DIAPH3: variants seen among roughly 807,000 people sequenced by gnomAD.
DIAPH3 encodes the protein diaphanous related formin 3.
Under a neutral mutation model 144.3 loss-of-function variants are expected in DIAPH3, and 117 were observed. The observed-to-expected ratio is 0.81, with a 90% CI of 0.70 to 0.95. The LOEUF is 0.95. Ranked by LOEUF, DIAPH3 falls within the 40% of genes least tolerant of loss-of-function variation. The probability of loss-of-function intolerance (pLI) is 0.00; values close to 1 mark genes in which losing one functional copy is unlikely to be tolerated. For synonymous variants in DIAPH3, 519 were observed against 488.9 expected (o/e 1.06, Z -0.81); for missense variants, 1,421 against 1,412.7 (o/e 1.01, Z -0.09).
intron 27 of DIAPH3, among the ~76,000 whole-genome samples, chr13:59,677,724 T>C (rs1279801193): frequency 6.6e-6 from 1 of 152,202 alleles, no homozygotes; most frequent in Non-Finnish European, 1.5e-5. Flanking sequence ...TGAATATGTA[T>C]ATATTATAAA....
At chr13:59,680,835 T>C (rs979956873) in intron 27 of DIAPH3, among the ~76,000 whole-genome samples, 1 of 152,154 alleles carries the variant, frequency 6.6e-6, no homozygotes, top group Non-Finnish European at 1.5e-5. Flanking sequence ...TTTCATTTTA[T>C]TTGGAAGGGG....
chr13:60,161,757 T>A (rs1952305057), intron 1 of DIAPH3, among the ~76,000 whole-genome samples: 1 of 151,506 alleles, frequency 6.6e-6, no homozygotes, highest in Admixed American at 6.6e-5. Context: ...ATAAGAACAA[T>A]CAAGTAGGAA....
intron 27 of DIAPH3, among the ~76,000 whole-genome samples, chr13:59,726,290 T>C (rs2035600048): frequency 6.6e-6 from 1 of 152,218 alleles, no homozygotes; most frequent in Non-Finnish European, 1.5e-5. Flanking sequence ...GTAACTCATG[T>C]ATTCTCTGGA....
chr13:60,151,974 C>A (rs906223268), intron 1 of DIAPH3, among the ~76,000 whole-genome samples: 1 of 152,200 alleles, frequency 6.6e-6, no homozygotes. Context: ...TAAACAAAAA[C>A]AGTTTAATTC....
At chr13:59,791,252 G>A (rs1198622500) in intron 25 of DIAPH3, among the ~76,000 whole-genome samples, 1 of 152,142 alleles carries the variant, frequency 6.6e-6, no homozygotes, top group African/African-American at 2.4e-5. Context: ...TTACGGGTGT[G>A]AGCCATCATT....
intron 17 of DIAPH3, among the ~76,000 whole-genome samples, chr13:59,931,110 T>C (rs1485513254): frequency 2.0e-5 from 3 of 152,154 alleles, no homozygotes; most frequent in Non-Finnish European, 4.4e-5. Context: ...GCTTAAAAAA[T>C]GGGAATGTTC....
chr13:59,751,733 T>C (rs75995801), intron 27 of DIAPH3, among the ~76,000 whole-genome samples: 1,833 of 152,350 alleles, frequency 0.012, 34 homozygotes, highest in African/African-American at 0.042. Context: ...GAATATCTAT[T>C]ATACTGTTTT....
At chr13:60,038,149 T>A (rs140847080) in intron 5 of DIAPH3, among the ~76,000 whole-genome samples, 1 of 152,114 alleles carries the variant, frequency 6.6e-6, no homozygotes, top group East Asian at 1.9e-4. Context: ...AATGAGGGTA[T>A]AGGATTAAAA....
Position 59,861,688 on chromosome 13 carries a change from C to T in DIAPH3, c.2608-152G>A, listed in dbSNP as rs530580925. ...TTTGAAAAACAAATATTTAAATACT[C>T]GAAAAACTACTTTTGACTTGCTGCT... On this transcript the variant is annotated intron_variant, in intron 21 of 27. Transcript: ENST00000400324. 36 of 823,026 alleles carry T rather than the reference C, an allele frequency of 4.4e-5. No individual in the cohort carries two copies. The African/African-American group carries it at 5.0e-4, about 11-fold the overall frequency. 51.0% of individuals were successfully genotyped at this position (823,026 alleles called of 1,614,324 possible).
chr13:59,679,285 A>G (rs1187813097), intron 27 of DIAPH3, among the ~76,000 whole-genome samples: 2 of 152,190 alleles, frequency 1.3e-5, no homozygotes, highest in Non-Finnish European at 1.5e-5. Context: ...GTTTCTGTAA[A>G]CAACTCATTT....
intron 13 of DIAPH3, among the ~76,000 whole-genome samples, chr13:59,983,109 T>A (rs1308088512): frequency 3.0e-5 from 4 of 134,476 alleles, no homozygotes; most frequent in Non-Finnish European, 6.3e-5. Context: ...AACTCAAATG[T>A]TACAACACTA....
At chr13:59,829,273 CA>C (rs551739830) in intron 24 of DIAPH3, among the ~76,000 whole-genome samples, 1 of 151,772 alleles carries the variant, frequency 6.6e-6, no homozygotes, top group African/African-American at 2.4e-5. Flanking sequence ...ACGATTGTTC[CA>C]AAAAAATGGC....
intron 17 of DIAPH3, among the ~76,000 whole-genome samples, chr13:59,938,330 G>A (rs542115176): frequency 3.3e-5 from 5 of 152,172 alleles, no homozygotes; most frequent in Admixed American, 2.0e-4. Context: ...TATAACACCC[G>A]GCTTGCAGTG....
intron 17 of DIAPH3, among the ~76,000 whole-genome samples, chr13:59,950,822 A>G (rs2140437144): frequency 6.6e-6 from 1 of 152,256 alleles, no homozygotes. Context: ...AAATATGTGG[A>G]AATAACTATA....
chr13:60,126,799 C>A (rs2059002875), intron 2 of DIAPH3, among the ~76,000 whole-genome samples: 1 of 151,980 alleles, frequency 6.6e-6, no homozygotes, highest in South Asian at 2.1e-4. Flanking sequence ...ACCAAAATAA[C>A]CCATGGGTCA....
chr13:59,822,554 C>A (rs1233958094), intron 24 of DIAPH3, among the ~76,000 whole-genome samples: 4 of 152,104 alleles, frequency 2.6e-5, no homozygotes, highest in Non-Finnish European at 4.4e-5. Context: ...GATTCCCCTG[C>A]CTCAGCCTCC....
chr13:59,805,384 A>C (rs532942211), intron 25 of DIAPH3, among the ~76,000 whole-genome samples: 1 of 152,202 alleles, frequency 6.6e-6, no homozygotes, highest in South Asian at 2.1e-4. Context: ...ATAATCACAT[A>C]AAATTATTAC....
chr13:59,711,281 T>A (rs190849772), intron 27 of DIAPH3, among the ~76,000 whole-genome samples: 22 of 152,316 alleles, frequency 1.4e-4, no homozygotes, highest in Non-Finnish European at 1.8e-4. Flanking sequence ...TCCTTGAAGC[T>A]TGGAGTGGCT....
intron 23 of DIAPH3, chr13:59,838,486 T>C (rs1029982230): frequency 6.6e-6 from 1 of 152,094 alleles, no homozygotes; most frequent in Non-Finnish European, 1.5e-5. Context: ...GTGACTATAA[T>C]AAACTCCATT....
Sources: allele counts gnomAD v4.1 joint callset (sites outside exome capture counted in the v4.1 genomes callset), GRCh38; gene constraint gnomAD v4.1.1; transcripts MANE v1.5; gene names NCBI Gene and HGNC (gene_info 2026-07-23, HGNC 2026-07-21).